Variants in LRP1B observed in about 807,000 individuals in gnomAD.
LRP1B encodes the protein LDL receptor related protein 1B, also known as low-density lipoprotein receptor-related protein 1B.
LRP1B carries 217 observed loss-of-function variants against 556.6 expected under a neutral mutation model. The ratio of observed to expected loss-of-function variants is 0.39; its 90% CI spans 0.35 to 0.44. The LOEUF (loss-of-function observed/expected upper bound fraction) is 0.44, where lower values mean the gene tolerates loss of function less well. LRP1B is among the 20% of genes least tolerant of loss of function. The pLI, the probability that LRP1B is intolerant of heterozygous loss-of-function variation, is 1.00. For synonymous variants in LRP1B, 2,047 were observed against 1,865.8 expected (o/e 1.10, Z -2.50); for missense variants, 5,053 against 5,620.8 (o/e 0.90, Z 3.23).
chr2:142,020,125 G>A (rs1703284341), intron 1 of LRP1B, among the ~76,000 whole-genome samples: 1 of 152,114 alleles, frequency 6.6e-6, no homozygotes, highest in East Asian at 1.9e-4. Flanking sequence ...AATTGCAAAA[G>A]GGCTTAGAGT....
At chr2:142,051,147 A>C (rs113866854) in intron 1 of LRP1B, among the ~76,000 whole-genome samples, 86 of 152,200 alleles carry the variant, frequency 5.7e-4, no homozygotes, top group Middle Eastern at 3.4e-3. Flanking sequence ...AGTGTGAGGC[A>C]GTAACTTCCA....
At position 141,254,535 on chromosome 2, in the gene LRP1B, C is replaced by T. The variant is rs761739978; in HGVS notation, c.450G>A (p.Gly150=). The change falls in exon 4 of 91, where the codon GGG becomes GGA. Residue 150 remains glycine, a synonymous_variant. Coordinates refer to ENST00000389484, the MANE Select transcript of LRP1B (RefSeq NM_018557.3). ...TGTTTTACTTACCTTTACAGCTTCT[C>T]CCATCTTCTGTTATTTCGAATCCAT... ...CEDGFEITED[G]RSCKDQDECA... The T allele has an allele frequency of 1.2e-6, 2 of 1,611,768 alleles. No homozygotes were observed. Among genetic ancestry groups the T allele is most frequent in the Admixed American group, 1.7e-5 (1 of 59,862 alleles).
At chr2:140,309,452 C>T (rs1322170916) in intron 83 of LRP1B, among the ~76,000 whole-genome samples, 3 of 151,620 alleles carry the variant, frequency 2.0e-5, no homozygotes, top group Non-Finnish European at 3.0e-5. Flanking sequence ...CCCAGAGAGC[C>T]GTAAGATTGA....
intron 2 of LRP1B, among the ~76,000 whole-genome samples, chr2:141,513,565 T>C (rs1684203744): frequency 6.6e-6 from 1 of 152,170 alleles, no homozygotes; most frequent in Non-Finnish European, 1.5e-5. Context: ...GTATTAAAAT[T>C]AGCATTGAGT....
At chr2:141,154,167 T>C (rs867835165) in intron 7 of LRP1B, among the ~76,000 whole-genome samples, 1 of 151,872 alleles carries the variant, frequency 6.6e-6, no homozygotes, top group African/African-American at 2.4e-5. Flanking sequence ...GAAAAGACTA[T>C]AGTTTAAAGA....
intron 3 of LRP1B, among the ~76,000 whole-genome samples, chr2:141,357,866 A>C (rs995359114): frequency 2.0e-5 from 3 of 152,208 alleles, no homozygotes; most frequent in African/African-American, 7.2e-5. Context: ...AAAATGAATA[A>C]TTTTCTTTAA....
At chr2:141,325,564 G>A (rs113766687) in intron 3 of LRP1B, among the ~76,000 whole-genome samples, 3,201 of 152,142 alleles carry the variant, frequency 0.021, 56 homozygotes, top group Non-Finnish European at 0.034. Flanking sequence ...TTTTTAGGTT[G>A]ATTGTCCTTA....
At chr2:141,159,508 A>G (rs145149825) in intron 7 of LRP1B, among the ~76,000 whole-genome samples, 449 of 152,248 alleles carry the variant, frequency 2.9e-3, no homozygotes, top group Non-Finnish European at 5.1e-3. Flanking sequence ...CTGGGACTAC[A>G]GGTGCACACA....
At position 140,982,270 on chromosome 2, in the gene LRP1B, G is replaced by T. The variant is rs1272920412; in HGVS notation, c.2777C>A (p.Thr926Lys). The change falls in exon 18 of 91, where the codon ACA (threonine) becomes AAA (lysine). Residue 926 changes from threonine to lysine, a missense_variant. Thr to Lys is a moderately conservative substitution (Grantham distance 78, BLOSUM62 -1). Coordinates refer to ENST00000389484, the MANE Select transcript of LRP1B (RefSeq NM_018557.3). ...DESNQTCTAR[T>K]CQVDQFSCGN... is the part of the protein sequence containing the mutation. ...GCAAGAAAACTGGTCTACCTGGCAT[G>T]TTCTGGCTATGATGATCAATTAATA... The T allele has an allele frequency of 1.2e-6, 2 of 1,609,572 alleles. No homozygotes were observed. The highest frequency in any genetic ancestry group is 1.1e-5 in the South Asian group (1 of 90,988).
intron 7 of LRP1B, among the ~76,000 whole-genome samples, chr2:141,105,513 G>A (rs1700581867): frequency 6.6e-6 from 1 of 152,106 alleles, no homozygotes; most frequent in Non-Finnish European, 1.5e-5. Context: ...AACTTGAGTT[G>A]CGTTTCTGTT....
intron 43 of LRP1B, among the ~76,000 whole-genome samples, chr2:140,578,290 A>G (rs2105127817): frequency 6.6e-6 from 1 of 152,270 alleles, no homozygotes; most frequent in East Asian, 1.9e-4. Flanking sequence ...GTTCTCATCT[A>G]CAATGACACA....
intron 18 of LRP1B, among the ~76,000 whole-genome samples, chr2:140,956,200 ATTG>A (rs1384369159): frequency 3.3e-5 from 5 of 151,922 alleles, no homozygotes; most frequent in African/African-American, 1.2e-4. Context: ...TATCCCTGCA[ATTG>A]TTAACACTAA....
chr2:141,294,914 TGTTA>T (rs1228543346), intron 3 of LRP1B, among the ~76,000 whole-genome samples: 2 of 152,036 alleles, frequency 1.3e-5, no homozygotes, highest in Non-Finnish European at 2.9e-5. Flanking sequence ...AAAAATTGCT[TGTTA>T]TTTATTTAAA....
Position 140,324,040 on chromosome 2 carries a change from T to C in LRP1B, c.12367A>G (p.Ile4123Val). Residue 4123 changes from isoleucine to valine, a missense_variant, in exon 81 of 91, where the codon ATC (isoleucine) becomes GTC (valine). This residue lies in a region of LRP1B where 551 missense variants were observed against 592.0 expected (regional missense o/e 0.93). Transcript: ENST00000389484. ...GCTCCATATATATAATCTTCAAAGA[T>C]ATCGATCCTATGTGGATGTAATAAA... Reference protein sequence around the residue: ...QGLLHPHRIDIFEDYIYGAGP... With the variant: ...QGLLHPHRIDVFEDYIYGAGP... The C allele has an allele frequency of 6.2e-7, 1 of 1,609,044 alleles. No homozygotes were observed.
chr2:141,210,506 G>A (rs1282730379), intron 6 of LRP1B, among the ~76,000 whole-genome samples: 1 of 151,886 alleles, frequency 6.6e-6, no homozygotes, highest in Admixed American at 6.6e-5. Flanking sequence ...AACATTATGG[G>A]TTTCAAATAT....
At chr2:142,092,994 T>C (rs1706226180) in intron 1 of LRP1B, among the ~76,000 whole-genome samples, 1 of 152,094 alleles carries the variant, frequency 6.6e-6, no homozygotes, top group Non-Finnish European at 1.5e-5. Context: ...CCCAGGTACA[T>C]AGACCCTGCG....
At chr2:141,655,054 T>G (rs546642353) in intron 2 of LRP1B, among the ~76,000 whole-genome samples, 1 of 152,308 alleles carries the variant, frequency 6.6e-6, no homozygotes, top group South Asian at 2.1e-4. Flanking sequence ...AGAAGTGTTT[T>G]GTGGAAATAC....
At chr2:140,405,749 G>A (rs1224500696) in intron 66 of LRP1B, among the ~76,000 whole-genome samples, 1 of 152,104 alleles carries the variant, frequency 6.6e-6, no homozygotes, top group Non-Finnish European at 1.5e-5. Context: ...TGGATTCACA[G>A]CTGAATTCTA....
chr2:140,787,558 A>ATT (rs756825067), intron 32 of LRP1B, among the ~76,000 whole-genome samples: 925 of 44,652 alleles, frequency 0.021, 130 homozygotes, highest in South Asian at 0.047. Context: ...AAAACAGAAG[A>ATT]TTTTTTTTTT....
Sources: gnomAD v4.1 joint callset for allele counts (sites outside exome capture counted in the v4.1 genomes callset) on GRCh38, gnomAD v4.1.1 for gene constraint, gnomAD v4.1.1 regional missense constraint, MANE v1.5 for transcripts, NCBI Gene and HGNC (gene_info 2026-07-23, HGNC 2026-07-21) for gene names.